The following COL4A4 variants were observed in gnomAD, a reference collection of about 807,000 sequenced individuals.
COL4A4 encodes collagen type IV alpha 4 chain.
In COL4A4, 105 loss-of-function variants were observed where a neutral mutation model predicts 192.9. The observed-to-expected ratio is 0.54, with a 90% CI of 0.46 to 0.64. The LOEUF (loss-of-function observed/expected upper bound fraction) is 0.64. COL4A4 is among the 30% of genes least tolerant of loss of function. The probability of loss-of-function intolerance (pLI) is 0.00; values close to 1 mark genes in which losing one functional copy is unlikely to be tolerated. For missense variants in COL4A4, 1,967 were observed against 2,169.3 expected, an observed-to-expected ratio of 0.91 and a Z score of 1.85; for synonymous variants, 762 against 769.9, an observed-to-expected ratio of 0.99 and a Z score of 0.17.
chr2:227,003,228 AAAAG>A lies in COL4A4; in HGVS notation c.*4093_*4096del, dbSNP rs1208970238. 3.1e-4 allele frequency: 47 copies of A among 152,356 alleles called. No homozygotes were observed. The highest frequency in any genetic ancestry group is 1.0e-3 in the African/African-American group (43 of 41,590). 9.4% of individuals were successfully genotyped at this position (152,356 alleles called of 1,614,324 possible). A position where few individuals can be genotyped will look rare whatever the true frequency, so the allele number is the denominator to read the frequency against. On this transcript the variant is annotated 3_prime_UTR_variant, in exon 48 of 48. Coordinates refer to ENST00000396625, the MANE Select transcript of COL4A4 (RefSeq NM_000092.5). ...TGAGAATCATAATTCTGTGTAAAAA[AAAAG>A]AAATATTTTTCGTATTAGTTTATTT... is the stretch of plus-strand genomic sequence containing the variant.
intron 3 of COL4A4, among the ~76,000 whole-genome samples, chr2:227,143,022 A>G (rs1299340375): frequency 6.6e-6 from 1 of 152,014 alleles, no homozygotes; most frequent in Admixed American, 6.6e-5. Context: ...ACACACACGC[A>G]CACACAGAGG....
chr2:227,053,738 AG>A (rs1974679455), intron 31 of COL4A4, among the ~76,000 whole-genome samples: 1 of 148,354 alleles, frequency 6.7e-6, no homozygotes, highest in Non-Finnish European at 1.5e-5. Context: ...TAGTAGAGAC[AG>A]GGTTTCGCCG....
chr2:227,013,761 T>G (rs1021324930), intron 44 of COL4A4, among the ~76,000 whole-genome samples: 1 of 152,178 alleles, frequency 6.6e-6, no homozygotes, highest in Non-Finnish European at 1.5e-5. Flanking sequence ...CAAAGGGGCT[T>G]GCTTAAGTGG....
At chr2:227,127,412 C>A (rs1030767146) in intron 4 of COL4A4, among the ~76,000 whole-genome samples, 1 of 152,158 alleles carries the variant, frequency 6.6e-6, no homozygotes, top group African/African-American at 2.4e-5. Context: ...GCCAGCTGTA[C>A]AAATAAAGGA....
intron 20 of COL4A4, among the ~76,000 whole-genome samples, chr2:227,091,249 G>GAT (rs139998459): frequency 1.9e-5 from 2 of 104,004 alleles, no homozygotes; most frequent in African/African-American, 1.2e-4. Context: ...TTGAAAAACA[G>GAT]ATATAGATAT....
At chr2:227,089,631 A>ATAT (rs1467265444) in intron 21 of COL4A4, among the ~76,000 whole-genome samples, 33 of 144,070 alleles carry the variant, frequency 2.3e-4, no homozygotes, top group East Asian at 6.2e-4. Context: ...ATAAATATAT[A>ATAT]AGACACAAGG....
chr2:227,033,980 A>C lies in COL4A4; in HGVS notation c.3506-499T>G, dbSNP rs115760293. Reference sequence around the variant, plus strand: ...CGCATGGCGCCTGTGGCATGCTGGCAAATGCTTGCCCTGCGATGCTCAGGC... The same window carrying C: ...CGCATGGCGCCTGTGGCATGCTGGCCAATGCTTGCCCTGCGATGCTCAGGC... On this transcript the variant is annotated intron_variant, in intron 37 of 47. Coordinates refer to ENST00000396625, the MANE Select transcript of COL4A4 (RefSeq NM_000092.5). Among the ~76,000 whole-genome samples the C allele has an allele frequency of 2.4e-3, 360 of 152,320 alleles. 1 individual carries two copies. Among genetic ancestry groups the C allele is most frequent in the Non-Finnish European group, 3.2e-3 (219 of 68,032 alleles).
At chr2:226,975,330 G>A in the COL4A4 span, among the ~76,000 whole-genome samples, 1 of 151,970 alleles carries the variant, frequency 6.6e-6, no homozygotes, top group Non-Finnish European at 1.5e-5. Context: ...AAATCATCAC[G>A]TTGTACACCT....
In COL4A4 at chr2:227,120,464, T is replaced by A. The variant is rs182504213; in HGVS notation, c.328-525A>T. On this transcript the variant is annotated intron_variant, in intron 5 of 47. Coordinates refer to ENST00000396625, the MANE Select transcript of COL4A4 (RefSeq NM_000092.5). ...AGTGTGATGCATATAATTAATGTCA[T>A]GTAGGTTTTTTAAAAAGCCATGAAA... 1.4e-4 allele frequency among the ~76,000 whole-genome samples: 21 copies of A among 152,304 alleles called. No individual in the cohort carries two copies. In the East Asian group the frequency reaches 2.9e-3, roughly 21 times the overall value.
intron 40 of COL4A4, 146 bp from the exon 41 acceptor site, chr2:227,030,744 C>T (rs62189850): frequency 1.6e-6 from 1 of 621,314 alleles, no homozygotes; most frequent in Non-Finnish European, 2.7e-6. Flanking sequence ...TCAATGATAA[C>T]AGAAATGAAA....
At chr2:227,011,170 T>C (rs763628017) in intron 45 of COL4A4, among the ~76,000 whole-genome samples, 7 of 152,196 alleles carry the variant, frequency 4.6e-5, no homozygotes, top group Non-Finnish European at 1.0e-4. Context: ...GGCTGAACTA[T>C]TGCAGAAGGC....
chr2:227,053,322 T>A (rs1476121923), intron 31 of COL4A4, among the ~76,000 whole-genome samples: 1 of 152,008 alleles, frequency 6.6e-6, no homozygotes, highest in Non-Finnish European at 1.5e-5. Flanking sequence ...TTTAATTCAA[T>A]ATGAGGCTAC....
At chr2:227,156,262 G>C (rs894622129) in intron 1 of COL4A4, among the ~76,000 whole-genome samples, 5 of 151,920 alleles carry the variant, frequency 3.3e-5, no homozygotes, top group Non-Finnish European at 7.4e-5. Flanking sequence ...TAGCCAGCTG[G>C]GTTGCACGTG....
intron 30 of COL4A4, 77 bp from the exon 31 acceptor site, chr2:227,054,814 G>A (rs1414439077): frequency 6.8e-7 from 1 of 1,472,286 alleles, no homozygotes; most frequent in Non-Finnish European, 9.3e-7. Context: ...GAGGTGGACA[G>A]AGTCTCACTC....
intron 3 of COL4A4, among the ~76,000 whole-genome samples, chr2:227,142,414 C>G (rs911290207): frequency 1.3e-5 from 2 of 152,196 alleles, no homozygotes; most frequent in African/African-American, 4.8e-5. Flanking sequence ...GGAAAAGTCA[C>G]TATCTGCCTT....
chr2:226,979,544 C>T, the COL4A4 span, among the ~76,000 whole-genome samples: 1 of 152,112 alleles, frequency 6.6e-6, no homozygotes, highest in African/African-American at 2.4e-5. Flanking sequence ...TTTTACTTGG[C>T]TGGCTCATCA....
intron 47 of COL4A4, 35 bp downstream of exon 47, chr2:227,007,983 G>A: frequency 2.5e-6 from 4 of 1,601,746 alleles, no homozygotes; most frequent in Non-Finnish European, 3.4e-6. Context: ...AGGAAATGGT[G>A]AATGAGCCAG....
Position 227,123,356 on chromosome 2 carries a change from C to T in COL4A4, c.193-2208G>A, listed in dbSNP as rs910230618. Among the ~76,000 whole-genome samples the T allele has an allele frequency of 6.6e-6, 1 of 152,214 alleles. No individual in the cohort carries two copies. The highest frequency in any genetic ancestry group is 1.5e-5 in the Non-Finnish European group (1 of 68,048). On this transcript the variant is annotated intron_variant, in intron 4 of 47. Coordinates refer to ENST00000396625, the MANE Select transcript of COL4A4 (RefSeq NM_000092.5). The surrounding 1 kb of genome is among the most constrained non-coding windows in gnomAD (Gnocchi z 4.6). Reference sequence around the variant, plus strand: ...GTGAATAAATTAGGGTGCCTTCAAACAGGAAAGCCCTCACAGCCTGACTTC... The same window carrying T: ...GTGAATAAATTAGGGTGCCTTCAAATAGGAAAGCCCTCACAGCCTGACTTC...
intron 31 of COL4A4, among the ~76,000 whole-genome samples, chr2:227,053,010 C>G (rs2396445): frequency 0.45 from 67,806 of 151,866 alleles, 15,557 homozygotes; most frequent in South Asian, 0.63. Flanking sequence ...GTTGTTAAAC[C>G]ATTGCTAACT....
Sources: gnomAD v4.1 joint callset for allele counts (sites outside exome capture counted in the v4.1 genomes callset) on GRCh38, gnomAD v4.1.1 for gene constraint, Gnocchi (gnomAD v3.1) non-coding constraint, MANE v1.5 for transcripts, NCBI Gene and HGNC (gene_info 2026-07-23, HGNC 2026-07-21) for gene names.